The following TRIM36 variants were observed in gnomAD, a reference collection of about 807,000 sequenced individuals.
TRIM36 encodes E3 ubiquitin-protein ligase TRIM36.
In TRIM36, 42 loss-of-function variants were observed where a neutral mutation model predicts 72.4. The ratio of observed to expected loss-of-function variants is 0.58; its 90% confidence interval spans 0.45 to 0.75. The LOEUF (loss-of-function observed/expected upper bound fraction) is 0.75. Ranked by LOEUF, TRIM36 falls within the 30% of genes least tolerant of loss-of-function variation. The probability of loss-of-function intolerance (pLI) is 0.00; values close to 1 mark genes in which losing one functional copy is unlikely to be tolerated. For missense variants in TRIM36, 913 were observed against 857.1 expected, an observed-to-expected ratio of 1.07 and a Z score of -0.81; for synonymous variants, 315 against 282.8, an observed-to-expected ratio of 1.11 and a Z score of -1.14.
At chr5:115,142,769 G>T (rs1177980087) in intron 4 of TRIM36, among the ~76,000 whole-genome samples, 1 of 152,190 alleles carries the variant, frequency 6.6e-6, no homozygotes, top group Non-Finnish European at 1.5e-5. Context: ...AGGCATTGAA[G>T]ATTAAAATGT....
chr5:115,133,871 G>A lies in TRIM36; in HGVS notation c.1487C>T (p.Pro496Leu), dbSNP rs768048037. ...PCSRELILHT[P>L]PAPVFSFLFD... The stretch of plus-strand genomic sequence containing the variant: ...GATATTCACCATACCTGGAGCTGGA[G>A]GAGTATGAAGAATCAATTCTCTGCT... Residue 496 changes from proline to leucine, a missense_variant, in exon 8 of 10, where the codon CCT becomes CTT. Pro to Leu is a moderately conservative substitution (Grantham distance 98). Transcript: ENST00000513154. The A allele has an allele frequency of 3.8e-6, 6 of 1,592,632 alleles. No homozygotes were observed. The South Asian group carries it at 5.8e-5, about 15-fold the overall frequency.
intron 9 of TRIM36, among the ~76,000 whole-genome samples, chr5:115,128,491 G>A (rs1285193815): frequency 1.3e-5 from 2 of 151,676 alleles, no homozygotes; most frequent in Non-Finnish European, 2.9e-5. Flanking sequence ...GGTGGCTCAC[G>A]CCTGTAATCC....
At chr5:115,130,069 T>C (rs1393173206) in intron 9 of TRIM36, among the ~76,000 whole-genome samples, 1 of 152,184 alleles carries the variant, frequency 6.6e-6, no homozygotes, top group South Asian at 2.1e-4. Flanking sequence ...GGTCAAAAAT[T>C]ATTTTTCAAA....
At chr5:115,138,702 A>T (rs1370624559) in intron 5 of TRIM36, among the ~76,000 whole-genome samples, 3 of 152,214 alleles carry the variant, frequency 2.0e-5, no homozygotes, top group Admixed American at 2.0e-4. Context: ...TGTTTGTTAA[A>T]CATTCTGAAT....
Position 115,137,062 on chromosome 5 carries a change from T to C in TRIM36, c.1148A>G (p.Asp383Gly), listed in dbSNP as rs1386856467. ...FRPAAQTSFEDYVVNTSKQTE... is the reference protein window; with the variant it reads ...FRPAAQTSFEGYVVNTSKQTE... The stretch of plus-strand genomic sequence containing the variant: ...TTGTTTAGAGGTATTAACAACATAG[T>C]CTTCAAAAGAAGTCTGAGCTGCAGG... The change falls in exon 7 of 10, where the codon GAC becomes GGC. Residue 383 changes from aspartate (D) to glycine (G), a missense_variant. Transcript: ENST00000513154. 6.2e-7 allele frequency: 1 copy of C among 1,611,808 alleles called. No individual in the cohort carries two copies. Among genetic ancestry groups the C allele is most frequent in the Non-Finnish European group, 8.5e-7 (1 of 1,179,212 alleles).
At chr5:115,154,616 A>G (rs1754074600) in intron 2 of TRIM36, among the ~76,000 whole-genome samples, 1 of 152,148 alleles carries the variant, frequency 6.6e-6, no homozygotes, top group Non-Finnish European at 1.5e-5. Context: ...GAAAGATACA[A>G]CCTTCATAGC....
At chr5:115,155,577 C>G (rs1309615155) in intron 2 of TRIM36, among the ~76,000 whole-genome samples, 1 of 152,164 alleles carries the variant, frequency 6.6e-6, no homozygotes, top group African/African-American at 2.4e-5. Context: ...ATGCTCATCT[C>G]AATAGATGCT....
At chr5:115,175,697 G>T (rs1755300820) in intron 1 of TRIM36, among the ~76,000 whole-genome samples, 1 of 150,892 alleles carries the variant, frequency 6.6e-6, no homozygotes, top group African/African-American at 2.4e-5. Flanking sequence ...AAAAATAAGA[G>T]GAAAATTATA....
intron 3 of TRIM36, 38 bp from the exon 4 acceptor site, chr5:115,144,782 G>C (rs1753487914): frequency 4.5e-6 from 7 of 1,554,022 alleles, no homozygotes; most frequent in Non-Finnish European, 6.1e-6. Context: ...TAAGGATCTA[G>C]GTTTCAAGTA....
chr5:115,131,029 A>G (rs1752648652), intron 8 of TRIM36, 140 bp from the exon 9 acceptor site: 1 of 868,418 alleles, frequency 1.2e-6, no homozygotes, highest in South Asian at 1.8e-5. Flanking sequence ...GACAACTATG[A>G]CAAACCAAAA....
At chr5:115,163,909 C>A (rs1677566508) in intron 1 of TRIM36, among the ~76,000 whole-genome samples, 157 bp from the exon 2 acceptor site, 1 of 152,044 alleles carries the variant, frequency 6.6e-6, no homozygotes, top group Non-Finnish European at 1.5e-5. Flanking sequence ...AAATTTGATA[C>A]CATCAACTGC....
upstream of TRIM36, among the ~76,000 whole-genome samples, chr5:115,171,680 A>G (rs906112844): frequency 3.3e-5 from 5 of 152,234 alleles, no homozygotes; most frequent in African/African-American, 1.2e-4. Flanking sequence ...TATAGACAAT[A>G]TTTTGGTGAA....
chr5:115,148,117 T>G (rs1055161014), intron 2 of TRIM36, among the ~76,000 whole-genome samples: 2 of 152,220 alleles, frequency 1.3e-5, no homozygotes, highest in Non-Finnish European at 2.9e-5. Context: ...ACCTATAATT[T>G]AGTGATTTTT....
chr5:115,173,816 T>C (rs1045509942), upstream of TRIM36, among the ~76,000 whole-genome samples: 1 of 152,170 alleles, frequency 6.6e-6, no homozygotes, highest in Non-Finnish European at 1.5e-5. Context: ...AAAATCTGGG[T>C]TAAAATGCAA....
chr5:115,165,775 T>G (rs1326914607), intron 1 of TRIM36, among the ~76,000 whole-genome samples: 1 of 152,064 alleles, frequency 6.6e-6, no homozygotes, highest in Non-Finnish European at 1.5e-5. Flanking sequence ...GACTAGGGCA[T>G]TCCTATGCTC....
At chr5:115,163,831 A>T in intron 1 of TRIM36, 79 bp from the exon 2 acceptor site, 1 of 1,050,290 alleles carries the variant, frequency 9.5e-7, no homozygotes, top group African/African-American at 1.6e-5. Flanking sequence ...GAATAAGTAC[A>T]TGTGTTTATT....
Position 115,148,441 on chromosome 5 carries a change from A to G in TRIM36, c.263-1047T>C, listed in dbSNP as rs1383798597. 6.5e-5 allele frequency: 28 copies of G among 430,920 alleles called. 1 individual carries two copies. In the South Asian group the frequency reaches 3.1e-3, roughly 47 times the overall value. The allele number at this position is 430,920 out of a possible 1,614,324, so 26.7% of individuals were successfully genotyped here. ...TTTTTTTTTTTTTTTTTTTTTTTAG[A>G]TGGAGTCTCACTCTGTCACCTAGGC... On this transcript the variant is annotated intron_variant, in intron 2 of 9. Coordinates refer to ENST00000513154, the MANE Select transcript of TRIM36 (RefSeq NM_001300759.2).
chr5:115,165,797 G>C (rs1230201774), intron 1 of TRIM36, among the ~76,000 whole-genome samples: 1 of 152,140 alleles, frequency 6.6e-6, no homozygotes, highest in Non-Finnish European at 1.5e-5. Flanking sequence ...CGGGGGCCCA[G>C]GATGCCTCTC....
At chr5:115,143,436 A>G (rs1032315767) in intron 4 of TRIM36, among the ~76,000 whole-genome samples, 1 of 152,140 alleles carries the variant, frequency 6.6e-6, no homozygotes, top group Admixed American at 6.5e-5. Context: ...ACTATCCAAT[A>G]GCTGGCAGCC....
Sources: gnomAD v4.1 joint callset for allele counts (sites outside exome capture counted in the v4.1 genomes callset) on GRCh38, gnomAD v4.1.1 for gene constraint, MANE v1.5 for transcripts, NCBI Gene and HGNC (gene_info 2026-07-23, HGNC 2026-07-21) for gene names.